The following CEP162 variants were observed in gnomAD, a reference collection of about 807,000 sequenced individuals.
CEP162 encodes centrosomal protein 162, also known as centrosomal protein of 162 kDa.
In CEP162, 141 loss-of-function variants were observed where a neutral mutation model predicts 169.2. The observed-to-expected ratio is 0.83, with a 90% CI of 0.73 to 0.96. The LOEUF (loss-of-function observed/expected upper bound fraction) is 0.96, where lower values mean the gene tolerates loss of function less well. CEP162 is among the 40% of genes least tolerant of loss of function. The probability of loss-of-function intolerance (pLI) is 0.00; values close to 1 mark genes in which losing one functional copy is unlikely to be tolerated. For synonymous variants in CEP162, 540 were observed against 526.4 expected (o/e 1.03, Z -0.35); for missense variants, 1,600 against 1,587.2 (o/e 1.01, Z -0.14).
intron 13 of CEP162, among the ~76,000 whole-genome samples, chr6:84,181,371 A>G (rs550512902): frequency 6.6e-6 from 1 of 152,356 alleles, no homozygotes; most frequent in Admixed American, 6.5e-5. Context: ...TTAAAGACTT[A>G]AACGTCAGAC....
chr6:84,179,027 A>G (rs1264958141), intron 13 of CEP162, among the ~76,000 whole-genome samples: 1 of 152,138 alleles, frequency 6.6e-6, no homozygotes, highest in Non-Finnish European at 1.5e-5. Flanking sequence ...TCCATGGTGT[A>G]TATGTGCCAC....
At chr6:84,208,034 T>C (rs2099547986) in intron 6 of CEP162, among the ~76,000 whole-genome samples, 1 of 151,476 alleles carries the variant, frequency 6.6e-6, no homozygotes, top group Non-Finnish European at 1.5e-5. Flanking sequence ...TTTTTTTTTT[T>C]TTTGTCTCTA....
chr6:84,186,393 AT>A lies in CEP162; in HGVS notation c.1339del (p.Ile447PhefsTer2). ...EEHVDKMYLNILRKKITVNSS... is the reference protein window; with the variant it reads ...EEHVDKMYLNXLRKKITVNSS... ...ATTAACAGTTATTTTTTTCCTCAAA[AT>A]ATTAAGGTACATTTTATCAACATGT... On this transcript the variant is annotated frameshift_variant, in exon 12 of 27. Coordinates refer to ENST00000403245, the MANE Select transcript of CEP162 (RefSeq NM_014895.4). LOFTEE classifies it high-confidence loss of function. 6.4e-7 allele frequency: 1 copy of A among 1,551,716 alleles called. No homozygotes were observed. Among genetic ancestry groups the A allele is most frequent in the Non-Finnish European group, 8.9e-7 (1 of 1,123,672 alleles).
chr6:84,170,373 C>CA (rs57988482), intron 17 of CEP162, among the ~76,000 whole-genome samples: 502 of 28,334 alleles, frequency 0.018, 70 homozygotes, highest in East Asian at 0.065. Context: ...GACTCCGTCT[C>CA]AAAAAAAAAA....
At chr6:84,154,374 A>G (rs1224196428) in intron 22 of CEP162, among the ~76,000 whole-genome samples, 2 of 137,768 alleles carry the variant, frequency 1.5e-5, no homozygotes, top group Non-Finnish European at 3.3e-5. Flanking sequence ...CTATCTATCT[A>G]TCTACCTATC....
At chr6:84,216,969 T>C (rs980157386) in intron 3 of CEP162, among the ~76,000 whole-genome samples, 3 of 152,240 alleles carry the variant, frequency 2.0e-5, no homozygotes, top group Admixed American at 6.5e-5. Flanking sequence ...CTTATGTTTA[T>C]GTAGCAAAGG....
chr6:84,134,931 C>T (rs1047647166), intron 25 of CEP162, among the ~76,000 whole-genome samples: 7 of 149,660 alleles, frequency 4.7e-5, no homozygotes, highest in African/African-American at 1.8e-4. Context: ...CACACACACA[C>T]ACACACACAC....
chr6:84,210,490 T>C (rs1285946540), intron 6 of CEP162, among the ~76,000 whole-genome samples: 1 of 152,168 alleles, frequency 6.6e-6, no homozygotes, highest in Non-Finnish European at 1.5e-5. Flanking sequence ...TACAATTACC[T>C]GAAGGCACAT....
At chr6:84,146,992 G>C (rs768184814) in intron 24 of CEP162, among the ~76,000 whole-genome samples, 7 of 152,066 alleles carry the variant, frequency 4.6e-5, no homozygotes, top group Non-Finnish European at 1.0e-4. Flanking sequence ...CCACTACTGG[G>C]TATCTATCCA....
At chr6:84,220,728 A>G (rs548511510) in intron 3 of CEP162, among the ~76,000 whole-genome samples, 1 of 152,316 alleles carries the variant, frequency 6.6e-6, no homozygotes, top group East Asian at 1.9e-4. Context: ...ATGCAATGAC[A>G]TTAATATACT....
chr6:84,152,762 C>A lies in CEP162; in HGVS notation c.3412G>T (p.Asp1138Tyr), dbSNP rs1235727333. ...TTTCCTTTACTTGAGTGCAAAACAT[C>A]TTTCTTTGCCCTTTTGGCAGACATT... ...EEMSAKRAKKDVLHSSKGNAN... is the reference protein window; with the variant it reads ...EEMSAKRAKKYVLHSSKGNAN... Residue 1138 changes from aspartate to tyrosine, a missense_variant, in exon 23 of 27, where the codon GAT (aspartate) becomes TAT (tyrosine). Transcript: ENST00000403245. 1 of 1,613,390 alleles carries A rather than the reference C, an allele frequency of 6.2e-7. No homozygotes were observed. Among genetic ancestry groups the A allele is most frequent in the South Asian group, 1.1e-5 (1 of 91,064 alleles).
At chr6:84,217,416 A>G (rs1184817729) in intron 3 of CEP162, among the ~76,000 whole-genome samples, 1 of 152,174 alleles carries the variant, frequency 6.6e-6, no homozygotes, top group Non-Finnish European at 1.5e-5. Flanking sequence ...GGGGTGAGGG[A>G]CCAATCCACA....
At chr6:84,202,324 C>G (rs961878952) in intron 7 of CEP162, among the ~76,000 whole-genome samples, 2 of 152,032 alleles carry the variant, frequency 1.3e-5, no homozygotes, top group African/African-American at 4.8e-5. Context: ...ATACCTCCTA[C>G]TTGGGTAGGC....
At chr6:84,205,070 A>T (rs190355018) in intron 6 of CEP162, among the ~76,000 whole-genome samples, 1 of 152,320 alleles carries the variant, frequency 6.6e-6, no homozygotes, top group East Asian at 1.9e-4. Flanking sequence ...TCTGAAATTG[A>T]GGCAATAATT....
At chr6:84,135,235 T>C (rs971430769) in intron 25 of CEP162, among the ~76,000 whole-genome samples, 1 of 152,112 alleles carries the variant, frequency 6.6e-6, no homozygotes, top group African/African-American at 2.4e-5. Flanking sequence ...AGGACAGAAA[T>C]AGCATCAATA....
chr6:84,204,491 T>G (rs761551516), intron 6 of CEP162, among the ~76,000 whole-genome samples: 26 of 152,040 alleles, frequency 1.7e-4, no homozygotes, highest in Non-Finnish European at 3.7e-4. Flanking sequence ...GGGTAAATAA[T>G]GAAATGAAGG....
At chr6:84,218,950 G>A (rs536645875) in intron 3 of CEP162, among the ~76,000 whole-genome samples, 12 of 152,262 alleles carry the variant, frequency 7.9e-5, no homozygotes, top group Admixed American at 2.0e-4. Flanking sequence ...TAACAGAAAC[G>A]AAGATCCAGT....
chr6:84,194,735 A>G, intron 10 of CEP162, 149 bp downstream of exon 10: 2 of 654,256 alleles, frequency 3.1e-6, no homozygotes, highest in South Asian at 4.1e-5. Flanking sequence ...TACAGGCATC[A>G]GCCACCTCGC....
intron 2 of CEP162, among the ~76,000 whole-genome samples, chr6:84,222,021 G>A (rs780663616): frequency 4.7e-5 from 7 of 150,460 alleles, no homozygotes; most frequent in Middle Eastern, 3.2e-3. Context: ...GCACAATTGC[G>A]GAATGAAAAA....
Sources: allele counts gnomAD v4.1 joint callset (sites outside exome capture counted in the v4.1 genomes callset), GRCh38; gene constraint gnomAD v4.1.1; transcripts MANE v1.5; gene names NCBI Gene and HGNC (gene_info 2026-07-23, HGNC 2026-07-21).